The following GNL3L variants were observed in gnomAD, a reference collection of about 807,000 sequenced individuals.
GNL3L encodes the protein G protein nucleolar 3 like.
GNL3L carries 4 observed loss-of-function variants against 42.9 expected under a neutral mutation model. That is an observed-to-expected ratio of 0.09 (90% CI 0.05 to 0.21). GNL3L has a LOEUF of 0.21. Ranked by LOEUF, GNL3L falls within the 10% of genes least tolerant of loss-of-function variation. The pLI is 1.00. For missense variants in GNL3L, 412 were observed against 481.7 expected (o/e 0.86, Z 1.36); for synonymous variants, 159 against 176.3 (o/e 0.90, Z 0.78).
At chrX:54,613,369 G>A (rs1448122857) in intron 16 of GNL3L, among the ~76,000 whole-genome samples, 2 of 111,357 alleles carry the variant, frequency 1.8e-5, no homozygotes, top group African/African-American at 6.5e-5. Flanking sequence ...CTTGCATTGG[G>A]TTTCGTCTTT....
intron 12 of GNL3L, 114 bp from the exon 13 acceptor site, chrX:54,552,178 T>C: frequency 3.5e-6 from 3 of 858,459 alleles, no homozygotes; most frequent in South Asian, 2.3e-5. Flanking sequence ...CAGAAGCCAC[T>C]GTCTGGGTTT....
downstream of GNL3L, among the ~76,000 whole-genome samples, chrX:54,626,200 C>A (rs1409034564): frequency 9.0e-6 from 1 of 111,402 alleles, no homozygotes; most frequent in Non-Finnish European, 1.9e-5. Flanking sequence ...CCCTCCCAGT[C>A]TCTAATACTC....
chrX:54,578,482 CTT>C (rs1206613063), intron 16 of GNL3L, among the ~76,000 whole-genome samples: 1 of 112,241 alleles, frequency 8.9e-6, no homozygotes, highest in Non-Finnish European at 1.9e-5. Context: ...TAAGTCAAAT[CTT>C]TGGCCATGTA....
intron 15 of GNL3L, 24 bp downstream of exon 15, chrX:54,558,679 T>C: frequency 9.1e-7 from 1 of 1,093,441 alleles, no homozygotes; most frequent in Non-Finnish European, 1.3e-6. Context: ...ACCAACCCTG[T>C]GCTCTGAAAG....
At chrX:54,586,213 G>A (rs1182660632) in intron 16 of GNL3L, among the ~76,000 whole-genome samples, 1 of 111,364 alleles carries the variant, frequency 9.0e-6, no homozygotes, top group South Asian at 3.8e-4. Flanking sequence ...GGATAAGTGA[G>A]AGACCCTAGC....
intron 16 of GNL3L, among the ~76,000 whole-genome samples, chrX:54,613,164 A>T (rs1926181812): frequency 9.0e-6 from 1 of 111,439 alleles, no homozygotes; most frequent in Non-Finnish European, 1.9e-5. Context: ...GATTAGGTTA[A>T]TTCGAAGACC....
intron 16 of GNL3L, among the ~76,000 whole-genome samples, chrX:54,602,372 A>G (rs942042596): frequency 2.7e-5 from 3 of 111,405 alleles, no homozygotes; most frequent in African/African-American, 6.5e-5. Flanking sequence ...TTGCCACACT[A>G]TAGCCTTTGT....
At position 54,563,395 on chromosome X, in the gene GNL3L, T is replaced by G. The variant is rs1925327747; in HGVS notation, c.*2793T>G. Reference sequence around the variant, plus strand: ...TAATGGAGAAGTGCTGGGAGGTAAATATTAGAAATGGAAGTATCTAAATGA... The same window carrying G: ...TAATGGAGAAGTGCTGGGAGGTAAAGATTAGAAATGGAAGTATCTAAATGA... On this transcript the variant is annotated 3_prime_UTR_variant, in exon 16 of 16. Coordinates refer to ENST00000360845, the MANE Select transcript of GNL3L (RefSeq NM_001184819.2). Among the ~76,000 whole-genome samples the G allele has an allele frequency of 9.0e-6, 1 of 111,126 alleles. No individual in the cohort carries two copies. Among genetic ancestry groups the G allele is most frequent in the South Asian group, 3.8e-4 (1 of 2,637 alleles).
intron 14 of GNL3L, among the ~76,000 whole-genome samples, chrX:54,555,234 G>A (rs1013936856): frequency 6.4e-5 from 7 of 109,774 alleles, no homozygotes; most frequent in African/African-American, 2.3e-4. Flanking sequence ...GGCTGGTCTC[G>A]AACCCCTGAC....
At chrX:54,570,356 T>C (rs982660849), downstream of GNL3L, among the ~76,000 whole-genome samples, 2 of 112,326 alleles carry the variant, frequency 1.8e-5, no homozygotes, top group Non-Finnish European at 3.8e-5. Flanking sequence ...AGTATAAATA[T>C]AGCTGCTGCA....
rs758691564 is a variant in GNL3L at position 54,548,359 on chromosome X, G to A, written c.761G>A (p.Arg254His). 2 of 1,202,498 alleles carry A rather than the reference G, an allele frequency of 1.7e-6. No homozygotes were observed. The highest frequency in any genetic ancestry group is 2.3e-6 in the Non-Finnish European group (2 of 887,708). Residue 254 changes from arginine to histidine, a missense_variant, in exon 9 of 16, where the codon CGT becomes CAT. Arg to His is a conservative substitution (Grantham distance 29). Coordinates refer to ENST00000360845, the MANE Select transcript of GNL3L (RefSeq NM_001184819.2). ...CTTGGTGAAGTGCGCACCCACATTC[G>A]TGTGGGTGTTGTGGGTAAGACCTGC... ...CRLGEVRTHI[R>H]VGVVGLPNVG...
chrX:54,542,196 A>C (rs1197417092), intron 5 of GNL3L, among the ~76,000 whole-genome samples: 1 of 110,901 alleles, frequency 9.0e-6, no homozygotes, highest in African/African-American at 3.3e-5. Context: ...TGCTGCACCC[A>C]TTAACTTGTC....
intron 9 of GNL3L, 86 bp downstream of exon 9, chrX:54,548,459 G>T (rs1924838507): frequency 2.6e-6 from 2 of 766,807 alleles, no homozygotes; most frequent in Non-Finnish European, 3.8e-6. Flanking sequence ...GAGCTTCATT[G>T]TCTTTTGCGG....
At chrX:54,598,427 G>T (rs1160806833) in intron 16 of GNL3L, among the ~76,000 whole-genome samples, 1 of 111,142 alleles carries the variant, frequency 9.0e-6, no homozygotes, top group Admixed American at 9.6e-5. Context: ...TATACTAAAG[G>T]TATTTTACTT....
rs200783284 is a variant in GNL3L, at chrX:54,539,812, G to GC, written c.82-320dup. On this transcript the variant is annotated intron_variant, in intron 3 of 15. Transcript: ENST00000360845. ...TGGGCCTTGGGAAACCTTCCCAGCT[G>GC]CCCTTCCCCTCTGAGAGGTCTCCTG... is the stretch of plus-strand genomic sequence containing the variant. 4.3e-3 allele frequency among the ~76,000 whole-genome samples: 481 copies of GC among 111,872 alleles called. 3 individuals are homozygous for GC. The highest frequency in any genetic ancestry group is 0.015 in the African/African-American group (457 of 30,814).
rs748181352 is a variant in GNL3L, at chrX:54,551,018, A to G, written c.831A>G (p.Ala277=). Residue 277 remains alanine (A), a synonymous_variant, in exon 10 of 16, where the codon GCA becomes GCG. Coordinates refer to ENST00000360845, the MANE Select transcript of GNL3L (RefSeq NM_001184819.2). The part of the protein sequence containing the change: ...SLINSLKRSR[A]CSVGAVPGIT... ...TCAATAGCCTGAAGCGCAGCCGCGCATGCAGCGTGGGAGCTGTTCCTGGAA... is the reference window on the plus strand; with the variant it reads ...TCAATAGCCTGAAGCGCAGCCGCGCGTGCAGCGTGGGAGCTGTTCCTGGAA... The G allele has an allele frequency of 5.4e-5, 62 of 1,148,519 alleles. No individual in the cohort carries two copies. Among genetic ancestry groups the G allele is most frequent in the Non-Finnish European group, 7.0e-5 (59 of 838,797 alleles). 94.7% of individuals were successfully genotyped at this position (1,148,519 alleles called of 1,213,427 possible).
Position 54,552,544 on chromosome X carries a change from GTT to G in GNL3L, c.1318+117_1318+118del, listed in dbSNP as rs1924979824. On this transcript the variant is annotated intron_variant, in intron 13 of 15. Coordinates refer to ENST00000360845, the MANE Select transcript of GNL3L (RefSeq NM_001184819.2). Reference sequence around the variant, plus strand: ...TTGGCCCTACTTGGGCTTTGGGCAAGTTGCTTAAGCAGCTTCAGGCCTAATTT... The same window carrying G: ...TTGGCCCTACTTGGGCTTTGGGCAAGGCTTAAGCAGCTTCAGGCCTAATTT... The G allele has an allele frequency of 2.1e-5, 14 of 663,334 alleles. No individual in the cohort carries two copies. In the South Asian group the frequency reaches 4.0e-4, roughly 19 times the overall value. The allele number at this position is 663,334 out of a possible 1,213,427, so 54.7% of individuals were successfully genotyped here.
At chrX:54,558,400 T>G (rs369741346) in intron 14 of GNL3L, 36 bp from the exon 15 acceptor site, 1 of 1,003,319 alleles carries the variant, frequency 1.0e-6, no homozygotes, top group Non-Finnish European at 1.4e-6. Flanking sequence ...CTCTGGGGGT[T>G]AAGACCTCAT....
intron 16 of GNL3L, among the ~76,000 whole-genome samples, chrX:54,606,175 TGAACTACCATTA>T (rs2147529805): frequency 8.9e-6 from 1 of 111,893 alleles, no homozygotes; most frequent in East Asian, 2.8e-4. Flanking sequence ...AATGCCCTAT[TGAACTACCATTA>T]GATTAAGAAG....
Sources: allele counts gnomAD v4.1 joint callset (sites outside exome capture counted in the v4.1 genomes callset), GRCh38; gene constraint gnomAD v4.1.1; transcripts MANE v1.5; gene names NCBI Gene and HGNC (gene_info 2026-07-23, HGNC 2026-07-21).